ZNF337: variants seen among roughly 807,000 people sequenced by gnomAD.
ZNF337 encodes zinc finger protein 337.
A neutral mutation model predicts 12.1 loss-of-function variants in ZNF337; 8 were observed. That is an observed-to-expected ratio of 0.66 (90% CI 0.39 to 1.19). The LOEUF is 1.19. Among genes scored for constraint, ZNF337 ranks in the 50% most tolerant of loss-of-function variants. ZNF337 has a pLI of 0.01. For synonymous variants in ZNF337, 336 were observed against 320.0 expected (o/e 1.05, Z -0.53); for missense variants, 882 against 896.6 (o/e 0.98, Z 0.21).
At chr20:25,696,637 CCGGGCCTGGAGGAGCGCGCGCTA>C in intron 1 of ZNF337, 99 bp downstream of exon 1, 2 of 680,274 alleles carry the variant, frequency 2.9e-6, no homozygotes, top group Non-Finnish European at 3.6e-6. Context: ...CGCGGAGACG[CCGGGCCTGGAGGAGCGCGCGCTA>C]CGGCCCCAGC....
rs1243625648 is a variant in ZNF337, at chr20:25,675,560, A to G, written c.1728T>C (p.Asp576=). 1 of 1,611,552 alleles carries G rather than the reference A, an allele frequency of 6.2e-7. No individual in the cohort carries two copies. The highest frequency in any genetic ancestry group is 1.7e-5 in the Admixed American group (1 of 59,660). ...HSGERPFNCK[D]CGRGFILKST... ...ATTTTAGGATGAAGCCTCGCCCGCA[A>G]TCCTTGCAATTAAATGGCCTTTCCC... Residue 576 remains aspartate (D), a synonymous_variant, in exon 5 of 5, where the codon GAT becomes GAC. Transcript: ENST00000252979.
At chr20:25,679,386 C>T (rs569409483) in intron 4 of ZNF337, among the ~76,000 whole-genome samples, 24 of 152,096 alleles carry the variant, frequency 1.6e-4, no homozygotes, top group African/African-American at 4.8e-4. Flanking sequence ...AGTGAAGATA[C>T]AAAATGTAGA....
rs2065649498 is a variant in ZNF337 at position 25,674,302 on chromosome 20, G to A, written c.*730C>T. The A allele has an allele frequency of 6.6e-6, 1 of 152,138 alleles. No homozygotes were observed. The highest frequency in any genetic ancestry group is 1.5e-5 in the Non-Finnish European group (1 of 68,036). The allele number at this position is 152,138 out of a possible 1,614,324, so 9.4% of individuals were successfully genotyped here. On this transcript the variant is annotated 3_prime_UTR_variant, in exon 5 of 5. Transcript: ENST00000252979. ...CAGTAGGTGCAGTTGTCTGTTGAGG[G>A]CTCATGTCTGTTTCCAAGATGATGC...
In ZNF337 at chr20:25,674,179, T is replaced by C. The variant is rs1374464286; in HGVS notation, c.*853A>G. 6.6e-6 allele frequency: 1 copy of C among 152,208 alleles called. No individual in the cohort carries two copies. The highest frequency in any genetic ancestry group is 1.5e-5 in the Non-Finnish European group (1 of 68,048). The allele number at this position is 152,208 out of a possible 1,614,324, so 9.4% of individuals were successfully genotyped here. A position where few individuals can be genotyped will look rare whatever the true frequency, so the allele number is the denominator to read the frequency against. The stretch of plus-strand genomic sequence containing the variant: ...TGAGGGGAGCAGTTACTTAGTCTAT[T>C]TGAGCTGTTATAATAAAATACCACT... On this transcript the variant is annotated 3_prime_UTR_variant, in exon 5 of 5. Transcript: ENST00000252979.
intron 4 of ZNF337, among the ~76,000 whole-genome samples, chr20:25,683,369 G>A (rs1054487869): frequency 5.3e-5 from 8 of 152,026 alleles, no homozygotes; most frequent in Non-Finnish European, 1.0e-4. Flanking sequence ...GGAAATGGGG[G>A]AAGGAGGAAG....
At chr20:25,685,859 T>G in intron 3 of ZNF337, 137 bp downstream of exon 3, 1 of 1,370,088 alleles carries the variant, frequency 7.3e-7, no homozygotes, top group Non-Finnish European at 1.0e-6. Context: ...CCAGTGGCAG[T>G]CAGTATGAAA....
Position 25,686,141 on chromosome 20 carries a change from G to A in ZNF337, c.28-19C>T, listed in dbSNP as rs1376098446. ...AGAAAGCCTGTAACACAAAACCCAG[G>A]CATGCTCACCAGGGACAGTGTTGCA... is the stretch of plus-strand genomic sequence containing the variant. On this transcript the variant is annotated intron_variant, in intron 2 of 4. Transcript: ENST00000252979. The A allele has an allele frequency of 4.3e-6, 7 of 1,613,552 alleles. No homozygotes were observed. In the Admixed American group the frequency reaches 6.7e-5, roughly 15 times the overall value.
At chr20:25,679,322 A>C (rs1004456447) in intron 4 of ZNF337, among the ~76,000 whole-genome samples, 1 of 152,198 alleles carries the variant, frequency 6.6e-6, no homozygotes, top group Non-Finnish European at 1.5e-5. Flanking sequence ...CACACATGAG[A>C]CTACATTAAA....
chr20:25,696,525 G>A (rs920663960), intron 1 of ZNF337, among the ~76,000 whole-genome samples: 1 of 152,220 alleles, frequency 6.6e-6, no homozygotes, highest in African/African-American at 2.4e-5. Flanking sequence ...ACACGCAACC[G>A]GGAACGGAGA....
In ZNF337 at chr20:25,675,557, G is replaced by A. The variant is rs570505165; in HGVS notation, c.1731C>T (p.Cys577=). 285 of 1,610,608 alleles carry A rather than the reference G, an allele frequency of 1.8e-4. No individual in the cohort carries two copies. The highest frequency in any genetic ancestry group is 2.3e-4 in the Non-Finnish European group (272 of 1,178,742). The change falls in exon 5 of 5, where the codon TGC becomes TGT. Residue 577 remains cysteine (C), a synonymous_variant. Coordinates refer to ENST00000252979, the MANE Select transcript of ZNF337 (RefSeq NM_015655.4). The part of the protein sequence containing the change: ...SGERPFNCKD[C]GRGFILKSTL... Reference sequence around the variant, plus strand: ...TTGATTTTAGGATGAAGCCTCGCCCGCAATCCTTGCAATTAAATGGCCTTT... The same window carrying A: ...TTGATTTTAGGATGAAGCCTCGCCCACAATCCTTGCAATTAAATGGCCTTT...
chr20:25,682,072 C>T (rs1333966451), intron 4 of ZNF337, among the ~76,000 whole-genome samples: 1 of 151,736 alleles, frequency 6.6e-6, no homozygotes, highest in Non-Finnish European at 1.5e-5. Flanking sequence ...ACATTTGCTT[C>T]ACAAAAAAAT....
In ZNF337 at chr20:25,673,216, A is replaced by G. The variant is rs2065637038; in HGVS notation, c.*1816T>C. Reference sequence around the variant, plus strand: ...TCACTCAGATGTAAATGTGTTTAATATGGAAGAGGAGCACAGAATTCTGGT... The same window carrying G: ...TCACTCAGATGTAAATGTGTTTAATGTGGAAGAGGAGCACAGAATTCTGGT... On this transcript the variant is annotated 3_prime_UTR_variant, in exon 5 of 5. Transcript: ENST00000252979. Among the ~76,000 whole-genome samples the G allele has an allele frequency of 6.6e-6, 1 of 152,192 alleles. No homozygotes were observed. Among genetic ancestry groups the G allele is most frequent in the East Asian group, 1.9e-4 (1 of 5,190 alleles).
chr20:25,690,122 CA>C (rs148386890), intron 1 of ZNF337, among the ~76,000 whole-genome samples: 12,279 of 152,120 alleles, frequency 0.081, 719 homozygotes, highest in South Asian at 0.19. Context: ...CTCATCTCTA[CA>C]AAAAATATAA....
Position 25,676,921 on chromosome 20 carries a change from T to C in ZNF337, c.367A>G (p.Lys123Glu), listed in dbSNP as rs760242059. 1 of 1,614,200 alleles carries C rather than the reference T, an allele frequency of 6.2e-7. No homozygotes were observed. Among genetic ancestry groups the C allele is most frequent in the South Asian group, 1.1e-5 (1 of 91,082 alleles). ...FQSDTAEGQE[K>E]EKSTKPMAFS... Reference sequence around the variant, plus strand: ...GCCATGGGCTTAGTGCTTTTTTCTTTCTCTTGACCTTCAGCTGTGTCACTC... The same window carrying C: ...GCCATGGGCTTAGTGCTTTTTTCTTCCTCTTGACCTTCAGCTGTGTCACTC... The change falls in exon 5 of 5, where the codon AAA becomes GAA. Residue 123 changes from lysine (K) to glutamate (E), a missense_variant. Lys to Glu is a moderately conservative substitution (Grantham distance 56). Transcript: ENST00000252979.
In ZNF337 at chr20:25,688,274, A is replaced by C. The variant is rs918528702; in HGVS notation, c.-49-1808T>G. ...GGTTACAGAAATACAAGTGCTTTTT[A>C]AAAATACTGACCTTATTTTCTGAAG... On this transcript the variant is annotated intron_variant, in intron 1 of 4. Transcript: ENST00000252979. Among the ~76,000 whole-genome samples, 7 of 152,212 alleles carry C rather than the reference A, an allele frequency of 4.6e-5. No individual in the cohort carries two copies. The East Asian group carries it at 1.3e-3, about 29-fold the overall frequency.
intron 1 of ZNF337, among the ~76,000 whole-genome samples, chr20:25,693,166 TC>T (rs1372614417): frequency 6.6e-6 from 1 of 152,166 alleles, no homozygotes; most frequent in African/African-American, 2.4e-5. Context: ...AACCTCCATC[TC>T]CTGGATTCAA....
chr20:25,685,670 C>T lies in ZNF337; in HGVS notation c.155-8G>A, dbSNP rs1569013228. The T allele has an allele frequency of 1.2e-6, 2 of 1,612,688 alleles. No homozygotes were observed. The highest frequency in any genetic ancestry group is 2.2e-5 in the South Asian group (2 of 91,034). The stretch of plus-strand genomic sequence containing the variant: ...GTTTAGAATGGAGAATTCCTGCTCA[C>T]AGGGAAAAAAACCATGAGGTGACTC... On this transcript the variant is annotated splice_region_variant and splice_polypyrimidine_tract_variant and intron_variant, in intron 3 of 4. Coordinates refer to ENST00000252979, the MANE Select transcript of ZNF337 (RefSeq NM_015655.4).
chr20:25,690,625 A>G (rs966439013), intron 1 of ZNF337, among the ~76,000 whole-genome samples: 2 of 152,202 alleles, frequency 1.3e-5, no homozygotes, highest in Non-Finnish European at 2.9e-5. Context: ...GACAGATTGA[A>G]GAGCAGATGC....
chr20:25,675,175 T>C lies in ZNF337; in HGVS notation c.2113A>G (p.Arg705Gly), dbSNP rs1457556285. ...TSKSDLTVHE[R>G]IHTGERPYEC... ...TAAGGCCTCTCTCCTGTGTGTATTC[T>C]TTCATGCACAGTGAGGTCTGACTTA... Residue 705 changes from arginine to glycine, a missense_variant, in exon 5 of 5, where the codon AGA (arginine) becomes GGA (glycine). Coordinates refer to ENST00000252979, the MANE Select transcript of ZNF337 (RefSeq NM_015655.4). 6.2e-7 allele frequency: 1 copy of C among 1,614,282 alleles called. No individual in the cohort carries two copies. Among genetic ancestry groups the C allele is most frequent in the Admixed American group, 1.7e-5 (1 of 60,038 alleles).
Sources: gnomAD v4.1 joint callset for allele counts (sites outside exome capture counted in the v4.1 genomes callset) on GRCh38, gnomAD v4.1.1 for gene constraint, MANE v1.5 for transcripts, NCBI Gene and HGNC (gene_info 2026-07-23, HGNC 2026-07-21) for gene names.